Variants in TLL1 observed in about 807,000 individuals in gnomAD.
TLL1 encodes tolloid-like protein 1.
Under a neutral mutation model 128.2 loss-of-function variants are expected in TLL1, and 49 were observed. That is an observed-to-expected ratio of 0.38 (90% CI 0.30 to 0.48). The LOEUF (loss-of-function observed/expected upper bound fraction) is 0.48, where lower values mean the gene tolerates loss of function less well. TLL1 is among the 20% of genes least tolerant of loss of function. The pLI is 0.96. For synonymous variants in TLL1, 454 were observed against 418.8 expected (o/e 1.08, Z -1.03); for missense variants, 1,123 against 1,242.0 (o/e 0.90, Z 1.44).
chr4:166,093,931 G>A (rs950575284), intron 19 of TLL1, among the ~76,000 whole-genome samples: 1 of 152,060 alleles, frequency 6.6e-6, no homozygotes, highest in Non-Finnish European at 1.5e-5. Context: ...CAAAGATGGG[G>A]CAAAGTGGCT....
chr4:165,879,279 T>C (rs1308229005), intron 1 of TLL1, among the ~76,000 whole-genome samples: 1 of 152,144 alleles, frequency 6.6e-6, no homozygotes, highest in Non-Finnish European at 1.5e-5. Flanking sequence ...ATAAGCCATG[T>C]ATGGTTCCTC....
chr4:165,912,185 G>T (rs888939024), intron 1 of TLL1, among the ~76,000 whole-genome samples: 3 of 152,140 alleles, frequency 2.0e-5, no homozygotes, highest in African/African-American at 7.2e-5. Flanking sequence ...CAGAAAATAA[G>T]ACAATAGTCT....
At chr4:166,030,734 T>G in intron 9 of TLL1, 3 of 1,168,660 alleles carry the variant, frequency 2.6e-6, no homozygotes, top group Non-Finnish European at 3.2e-6. Context: ...TGTTAAAGAT[T>G]TACTAAATGT....
chr4:165,964,401 G>T (rs1735267356), intron 1 of TLL1, among the ~76,000 whole-genome samples: 1 of 152,174 alleles, frequency 6.6e-6, no homozygotes, highest in Admixed American at 6.6e-5. Context: ...AAGCTATAAA[G>T]TATCAACACT....
chr4:166,063,390 G>T lies in TLL1; in HGVS notation c.2008-2293G>T, dbSNP rs1482415468. On this transcript the variant is annotated intron_variant, in intron 15 of 20. Transcript: ENST00000061240. The stretch of plus-strand genomic sequence containing the variant: ...AAATAGGAACACTTTTACACTGTTG[G>T]TGGGACTGTAAACTAGTTCAACCAT... Among the ~76,000 whole-genome samples, 4 of 152,186 alleles carry T rather than the reference G, an allele frequency of 2.6e-5. No homozygotes were observed. The South Asian group carries it at 8.3e-4, about 31-fold the overall frequency.
chr4:165,986,467 A>G (rs1346626709), intron 1 of TLL1, among the ~76,000 whole-genome samples: 2 of 152,072 alleles, frequency 1.3e-5, no homozygotes, highest in Non-Finnish European at 1.5e-5. Flanking sequence ...TTAAAGATGT[A>G]TATGGGCTAC....
intron 1 of TLL1, among the ~76,000 whole-genome samples, chr4:165,913,804 A>G (rs900698538): frequency 5.9e-5 from 9 of 152,298 alleles, no homozygotes; most frequent in South Asian, 2.1e-4. Context: ...GCTTGAGATC[A>G]GGGGCTCGCA....
chr4:166,080,703 G>T (rs950038525), intron 18 of TLL1, among the ~76,000 whole-genome samples: 6 of 152,066 alleles, frequency 3.9e-5, no homozygotes, highest in Non-Finnish European at 7.4e-5. Flanking sequence ...ATGAAGGAGG[G>T]TGTTAGGTGG....
At chr4:166,062,534 T>G (rs900267024) in intron 15 of TLL1, among the ~76,000 whole-genome samples, 3 of 152,200 alleles carry the variant, frequency 2.0e-5, no homozygotes, top group African/African-American at 7.2e-5. Flanking sequence ...GTTATTGGTG[T>G]ATAGAAATGC....
chr4:166,057,426 AATTAGTAAGACTCAATT>A (rs1385743527), intron 14 of TLL1, 117 bp downstream of exon 14: 12 of 1,419,228 alleles, frequency 8.5e-6, no homozygotes, highest in Non-Finnish European at 1.2e-5. Flanking sequence ...CTCTTTCCTC[AATTAGTAAGACTCAATT>A]CACAGTCACA....
intron 1 of TLL1, among the ~76,000 whole-genome samples, chr4:165,943,548 A>T (rs897881894): frequency 2.6e-5 from 4 of 152,040 alleles, no homozygotes; most frequent in Non-Finnish European, 5.9e-5. Flanking sequence ...TATCTCCTTA[A>T]AAATTGGACC....
At chr4:166,030,621 T>G (rs1738725178) in intron 9 of TLL1, 1 of 685,436 alleles carries the variant, frequency 1.5e-6, no homozygotes, top group Admixed American at 4.0e-5. Context: ...TTTTCTTCTA[T>G]GAGTTCTATA....
At chr4:166,039,928 A>T (rs981449817) in intron 10 of TLL1, among the ~76,000 whole-genome samples, 2 of 152,150 alleles carry the variant, frequency 1.3e-5, no homozygotes, top group Non-Finnish European at 2.9e-5. Flanking sequence ...TAGATGTCAC[A>T]ATTTTGCTTC....
At chr4:165,997,974 A>G (rs1277777205) in intron 5 of TLL1, among the ~76,000 whole-genome samples, 1 of 152,202 alleles carries the variant, frequency 6.6e-6, no homozygotes, top group African/African-American at 2.4e-5. Context: ...CATTTAGTAC[A>G]ACAGTATGAG....
At position 165,989,373 on chromosome 4, in the gene TLL1, T is replaced by G. The variant is rs766152735; in HGVS notation, c.170-8T>G. On this transcript the variant is annotated splice_polypyrimidine_tract_variant and splice_region_variant and intron_variant, in intron 1 of 20. Coordinates refer to ENST00000061240, the MANE Select transcript of TLL1 (RefSeq NM_012464.5). ...TTTTACATTTTAATTCAACTTTTCTTTTTTTAGCTGTATTTTGGGGCGATA... is the reference window on the plus strand; with the variant it reads ...TTTTACATTTTAATTCAACTTTTCTGTTTTTAGCTGTATTTTGGGGCGATA... 3.1e-6 allele frequency: 5 copies of G among 1,599,948 alleles called. No individual in the cohort carries two copies. Among genetic ancestry groups the G allele is most frequent in the Non-Finnish European group, 2.6e-6 (3 of 1,168,378 alleles).
intron 12 of TLL1, among the ~76,000 whole-genome samples, chr4:166,050,507 G>C (rs535757790): frequency 6.6e-6 from 1 of 152,110 alleles, no homozygotes; most frequent in South Asian, 2.1e-4. Context: ...TTATTTTTTA[G>C]GGAGCATGGG....
intron 1 of TLL1, among the ~76,000 whole-genome samples, chr4:165,896,265 T>C (rs1295305585): frequency 1.3e-5 from 2 of 152,132 alleles, no homozygotes; most frequent in Non-Finnish European, 2.9e-5. Context: ...CATGAACTTA[T>C]CATTTTTTAT....
intron 18 of TLL1, among the ~76,000 whole-genome samples, chr4:166,085,920 T>A (rs1741492262): frequency 6.6e-6 from 1 of 152,142 alleles, no homozygotes; most frequent in Admixed American, 6.5e-5. Flanking sequence ...TAATCCAAAT[T>A]GTTCTCTAAT....
intron 1 of TLL1, among the ~76,000 whole-genome samples, chr4:165,909,639 A>G (rs1001951521): frequency 1.3e-5 from 2 of 152,246 alleles, no homozygotes; most frequent in African/African-American, 4.8e-5. Flanking sequence ...TTGTTGAAAC[A>G]TAACTTCAAA....
Sources: allele counts gnomAD v4.1 joint callset (sites outside exome capture counted in the v4.1 genomes callset), GRCh38; gene constraint gnomAD v4.1.1; transcripts MANE v1.5; gene names NCBI Gene and HGNC (gene_info 2026-07-23, HGNC 2026-07-21).